CLASP1: variants seen among roughly 807,000 people sequenced by gnomAD.
CLASP1 encodes the protein CLIP-associating protein 1.
CLASP1 carries 38 observed loss-of-function variants against 192.3 expected under a neutral mutation model. The ratio of observed to expected loss-of-function variants is 0.20; its 90% CI spans 0.15 to 0.26. The LOEUF (loss-of-function observed/expected upper bound fraction) is 0.26, where lower values mean the gene tolerates loss of function less well. Among genes scored for constraint, CLASP1 ranks in the 10% least tolerant of loss-of-function variants. The probability of loss-of-function intolerance (pLI) is 1.00; values close to 1 mark genes in which losing one functional copy is unlikely to be tolerated. For missense variants in CLASP1, 1,433 were observed against 1,932.5 expected (o/e 0.74, Z 4.85); for synonymous variants, 691 against 712.8 (o/e 0.97, Z 0.49).
intron 19 of CLASP1, among the ~76,000 whole-genome samples, chr2:121,442,462 G>A (rs752215561): frequency 1.3e-5 from 2 of 150,162 alleles, no homozygotes; most frequent in South Asian, 2.1e-4. Flanking sequence ...AAACTCAAAC[G>A]TACTGCCTAA....
At position 121,382,207 on chromosome 2, in the gene CLASP1, C is replaced by G. The variant is rs371206475; in HGVS notation, c.3491+1G>C. ...GACAAGTTTGACAGGTAGCTTGTTACCTGGGAGAGTAAGAGCGCCTGAGAG... is the reference window on the plus strand; with the variant it reads ...GACAAGTTTGACAGGTAGCTTGTTAGCTGGGAGAGTAAGAGCGCCTGAGAG... On this transcript the variant is annotated splice_donor_variant, in intron 33 of 39. Coordinates refer to ENST00000263710, the Ensembl canonical transcript of CLASP1. LOFTEE classifies it high-confidence loss of function. The G allele has an allele frequency of 6.2e-7, 1 of 1,602,342 alleles. No individual in the cohort carries two copies.
At chr2:121,371,135 T>TTA (rs2068591589) in intron 34 of CLASP1, among the ~76,000 whole-genome samples, 1 of 152,200 alleles carries the variant, frequency 6.6e-6, no homozygotes, top group Admixed American at 6.5e-5. Flanking sequence ...TTAACACTGG[T>TTA]TATCTCTAGA....
At chr2:121,627,862 A>G (rs2068679650) in intron 1 of CLASP1, among the ~76,000 whole-genome samples, 1 of 152,236 alleles carries the variant, frequency 6.6e-6, no homozygotes, top group South Asian at 2.1e-4. Context: ...CTTGTCAGCG[A>G]AAAATAATGT....
At chr2:121,504,563 T>C (rs2093878964) in intron 7 of CLASP1, among the ~76,000 whole-genome samples, 1 of 152,202 alleles carries the variant, frequency 6.6e-6, no homozygotes, top group African/African-American at 2.4e-5. Flanking sequence ...AAACTGTAGG[T>C]ATTCACACAA....
At chr2:121,539,114 A>G (rs2312587) in intron 2 of CLASP1, among the ~76,000 whole-genome samples, 19,624 of 152,268 alleles carry the variant, frequency 0.13, 1,733 homozygotes, top group African/African-American at 0.24. Context: ...ATTCAATAAC[A>G]TTCCACTAAA....
At chr2:121,562,631 G>A (rs2059187558) in intron 2 of CLASP1, among the ~76,000 whole-genome samples, 1 of 152,140 alleles carries the variant, frequency 6.6e-6, no homozygotes, top group African/African-American at 2.4e-5. Context: ...TTCCACTGGG[G>A]AACTACCTCA....
intron 1 of CLASP1, among the ~76,000 whole-genome samples, chr2:121,623,077 T>C (rs560407535): frequency 6.6e-6 from 1 of 152,032 alleles, no homozygotes; most frequent in African/African-American, 2.4e-5. Flanking sequence ...TATCTATATA[T>C]ATATAAATTT....
At chr2:121,639,256 G>A (rs912507866) in intron 1 of CLASP1, among the ~76,000 whole-genome samples, 12 of 151,720 alleles carry the variant, frequency 7.9e-5, no homozygotes, top group African/African-American at 2.2e-4. Flanking sequence ...CAGCCTGGGC[G>A]ACAGAGCGAG....
At chr2:121,386,105 A>G (rs1287095529) in intron 32 of CLASP1, among the ~76,000 whole-genome samples, 1 of 152,246 alleles carries the variant, frequency 6.6e-6, no homozygotes, top group Non-Finnish European at 1.5e-5. Context: ...TTTAAAGGAT[A>G]TGAGGAACTG....
chr2:121,375,399 C>G (rs2069842125), intron 34 of CLASP1, among the ~76,000 whole-genome samples: 1 of 140,216 alleles, frequency 7.1e-6, no homozygotes, highest in African/African-American at 2.7e-5. Flanking sequence ...GAGTCTCACT[C>G]TGTCACCAGG....
chr2:121,459,722 C>T (rs2087499769), intron 12 of CLASP1: 2 of 309,932 alleles, frequency 6.5e-6, no homozygotes, highest in South Asian at 3.0e-4. Flanking sequence ...TTCACTTTTC[C>T]ATATTAATAA....
chr2:121,361,746 G>A (rs1331318112), intron 37 of CLASP1, among the ~76,000 whole-genome samples: 3 of 152,138 alleles, frequency 2.0e-5, no homozygotes, highest in Admixed American at 6.5e-5. Flanking sequence ...TATGTTGATC[G>A]TACTAGCTCA....
rs1325952188 is a variant in CLASP1, at chr2:121,490,195, A to C, written c.712+12972T>G. On this transcript the variant is annotated intron_variant, in intron 8 of 39. Transcript: ENST00000263710. ...TCCATGATTTTTAGTTACCACAGGA[A>C]TTATAAAATATTTAAGCATTTCCTA... is the stretch of plus-strand genomic sequence containing the variant. 1.2e-5 allele frequency: 5 copies of C among 402,372 alleles called. No individual in the cohort carries two copies. In the East Asian group the frequency reaches 3.2e-4, roughly 26 times the overall value. 24.9% of individuals were successfully genotyped at this position (402,372 alleles called of 1,614,324 possible).
intron 30 of CLASP1, among the ~76,000 whole-genome samples, chr2:121,393,008 T>C (rs796352264): frequency 1.2e-4 from 19 of 152,272 alleles, no homozygotes; most frequent in African/African-American, 4.1e-4. Flanking sequence ...AACACCCCAA[T>C]ATACTGAGCT....
At chr2:121,495,506 C>G (rs1426248312) in intron 8 of CLASP1, among the ~76,000 whole-genome samples, 1 of 150,374 alleles carries the variant, frequency 6.7e-6, no homozygotes, top group African/African-American at 2.4e-5. Context: ...ACTAAAAATA[C>G]AAAAATTCGC....
intron 2 of CLASP1, among the ~76,000 whole-genome samples, chr2:121,558,823 G>A (rs1483586565): frequency 1.3e-5 from 2 of 152,216 alleles, no homozygotes; most frequent in Non-Finnish European, 2.9e-5. Flanking sequence ...ATATTCCCAA[G>A]TGCCTCAGAC....
chr2:121,580,980 C>T (rs2061067614), intron 2 of CLASP1, among the ~76,000 whole-genome samples: 1 of 152,176 alleles, frequency 6.6e-6, no homozygotes, highest in Admixed American at 6.5e-5. Context: ...AGGCCATGCC[C>T]TCAATCAGTC....
At chr2:121,503,613 G>A (rs991215728) in intron 7 of CLASP1, among the ~76,000 whole-genome samples, 7 of 152,022 alleles carry the variant, frequency 4.6e-5, no homozygotes, top group African/African-American at 1.7e-4. Flanking sequence ...CTTTCTTAGC[G>A]CAGACTATCA....
At position 121,540,711 on chromosome 2, in the gene CLASP1, C is replaced by T. The variant is rs1252864481; in HGVS notation, c.196-10386G>A. ...CTGAGGCAGGAGAATCGCTTGAACC[C>T]GGGAGACAGAGACTGCAGTGAGCCT... On this transcript the variant is annotated intron_variant, in intron 2 of 39. Transcript: ENST00000263710. Among the ~76,000 whole-genome samples the T allele has an allele frequency of 5.3e-5, 8 of 151,556 alleles. No individual in the cohort carries two copies. The South Asian group carries it at 8.3e-4, about 16-fold the overall frequency.
Sources: gnomAD v4.1 joint callset for allele counts (sites outside exome capture counted in the v4.1 genomes callset) on GRCh38, gnomAD v4.1.1 for gene constraint, MANE v1.5 for transcripts, NCBI Gene and HGNC (gene_info 2026-07-23, HGNC 2026-07-21) for gene names.